GPHN: variants seen among roughly 807,000 people sequenced by gnomAD.
GPHN encodes gephyrin.
In GPHN, 17 loss-of-function variants were observed where a neutral mutation model predicts 95.5. That is an observed-to-expected ratio of 0.18 (90% CI 0.12 to 0.27). The LOEUF (loss-of-function observed/expected upper bound fraction) is 0.27, where lower values mean the gene tolerates loss of function less well. Among genes scored for constraint, GPHN ranks in the 10% least tolerant of loss-of-function variants. GPHN has a pLI of 1.00. For synonymous variants in GPHN, 320 were observed against 322.5 expected (o/e 0.99, Z 0.08); for missense variants, 660 against 978.1 (o/e 0.67, Z 4.34).
At chr14:66,998,859 G>A (rs575063429) in intron 9 of GPHN, among the ~76,000 whole-genome samples, 88 of 120,344 alleles carry the variant, frequency 7.3e-4, no homozygotes, top group Non-Finnish European at 9.3e-4. Flanking sequence ...ATTTCTCCAC[G>A]TAGTTATGGT....
chr14:67,065,419 G>T (rs1267223474), intron 11 of GPHN, among the ~76,000 whole-genome samples: 1 of 152,164 alleles, frequency 6.6e-6, no homozygotes, highest in Admixed American at 6.5e-5. Context: ...GTTGATTTGG[G>T]GTGGAGAACT....
chr14:66,841,556 T>C (rs1436722505), intron 4 of GPHN, among the ~76,000 whole-genome samples: 1 of 152,084 alleles, frequency 6.6e-6, no homozygotes. Context: ...TGCAATAAGA[T>C]AAAGAGAGAA....
chr14:67,642,788 A>ATTTTTTTT, the GPHN span, among the ~76,000 whole-genome samples: 4 of 33,728 alleles, frequency 1.2e-4, no homozygotes, highest in South Asian at 1.0e-3. Flanking sequence ...ATGTTACTAC[A>ATTTTTTTT]TTTTCTTTTT....
intron 16 of GPHN, among the ~76,000 whole-genome samples, chr14:67,120,465 A>C (rs2078958732): frequency 1.3e-5 from 2 of 152,162 alleles, no homozygotes; most frequent in African/African-American, 2.4e-5. Flanking sequence ...TCGTTATGTC[A>C]GTTTTACAGA....
intron 15 of GPHN, 118 bp downstream of exon 15, chr14:67,112,037 C>T (rs1435971354): frequency 9.9e-6 from 8 of 808,942 alleles, no homozygotes; most frequent in Non-Finnish European, 1.7e-5. Context: ...ATTTTCAGGG[C>T]TTTAACAAAA....
At chr14:67,159,304 A>T (rs1287854448) in intron 18 of GPHN, 111 bp from the exon 19 acceptor site, 2 of 772,676 alleles carry the variant, frequency 2.6e-6, no homozygotes, top group African/African-American at 1.7e-5. Flanking sequence ...CATTAAAATA[A>T]GAAAGATGTT....
At chr14:67,200,532 T>C in the GPHN span, 4 of 262,212 alleles carry the variant, frequency 1.5e-5, no homozygotes, top group African/African-American at 2.3e-5. Flanking sequence ...ACAGAGAAAA[T>C]AAAACTAAAC....
intron 2 of GPHN, among the ~76,000 whole-genome samples, chr14:66,722,016 T>A (rs926690087): frequency 3.5e-5 from 5 of 144,068 alleles, no homozygotes; most frequent in Admixed American, 2.1e-4. Flanking sequence ...TTGTCAAAAA[T>A]GTCAGAAGGT....
At position 67,043,409 on chromosome 14, in the gene GPHN, A is replaced by G. The variant is rs1035550827; in HGVS notation, c.1007-15240A>G. Among the ~76,000 whole-genome samples the G allele has an allele frequency of 2.0e-5, 3 of 152,330 alleles. No individual in the cohort carries two copies. The East Asian group carries it at 5.8e-4, about 29-fold the overall frequency. On this transcript the variant is annotated intron_variant, in intron 10 of 22. Transcript: ENST00000478722. ...TGTTATTTTGAGATGTGTTCCATCAATACCTAGTTTATTGAGAGTTTTTAG... is the reference window on the plus strand; with the variant it reads ...TGTTATTTTGAGATGTGTTCCATCAGTACCTAGTTTATTGAGAGTTTTTAG...
the GPHN span, chr14:67,393,273 C>A: frequency 8.7e-6 from 13 of 1,494,336 alleles, no homozygotes; most frequent in African/African-American, 1.5e-4. Context: ...GGAGAGGGAA[C>A]CCTCATCACG....
At chr14:67,442,226 T>C in the GPHN span, among the ~76,000 whole-genome samples, 5 of 152,056 alleles carry the variant, frequency 3.3e-5, no homozygotes, top group East Asian at 1.9e-4. Flanking sequence ...CTGCTGACAC[T>C]CTGCAGCACC....
the GPHN span, chr14:67,571,656 A>C: frequency 7.5e-7 from 1 of 1,335,806 alleles, no homozygotes; most frequent in South Asian, 1.2e-5. Context: ...GGGGTTGGCC[A>C]CACCATGGGC....
At chr14:67,458,724 T>C in the GPHN span, among the ~76,000 whole-genome samples, 8 of 152,124 alleles carry the variant, frequency 5.3e-5, no homozygotes, top group African/African-American at 1.9e-4. Context: ...TCCTTACTTA[T>C]TTTTTGGTTT....
At chr14:67,305,908 A>G in the GPHN span, among the ~76,000 whole-genome samples, 1 of 152,238 alleles carries the variant, frequency 6.6e-6, no homozygotes, top group Non-Finnish European at 1.5e-5. Context: ...TGGAAAATGA[A>G]GTAGCTTAAA....
At chr14:67,505,811 A>G in the GPHN span, among the ~76,000 whole-genome samples, 2 of 151,810 alleles carry the variant, frequency 1.3e-5, no homozygotes, top group African/African-American at 4.8e-5. Context: ...GGTTCAAGCA[A>G]TTCTCCTGCA....
chr14:66,643,768 A>G (rs75835196), intron 1 of GPHN, among the ~76,000 whole-genome samples: 1 of 149,996 alleles, frequency 6.7e-6, no homozygotes, highest in Non-Finnish European at 1.5e-5. Flanking sequence ...TTTTTTTTTA[A>G]TCAAAGATTT....
the GPHN span, among the ~76,000 whole-genome samples, chr14:67,633,151 C>T: frequency 6.6e-6 from 1 of 152,174 alleles, no homozygotes; most frequent in East Asian, 1.9e-4. Flanking sequence ...GTATTGTTCA[C>T]ATTGCCTGAT....
the GPHN span, among the ~76,000 whole-genome samples, chr14:67,242,277 C>G: frequency 6.6e-6 from 1 of 152,108 alleles, no homozygotes. Flanking sequence ...GCAGTTTATG[C>G]TAAAATTAAA....
chr14:67,710,708 T>C, the GPHN span, among the ~76,000 whole-genome samples: 3 of 151,810 alleles, frequency 2.0e-5, no homozygotes, highest in Non-Finnish European at 4.4e-5. Context: ...AATTTTTCAC[T>C]TTTTTTTAAA....
Sources: gnomAD v4.1 joint callset for allele counts (sites outside exome capture counted in the v4.1 genomes callset) on GRCh38, gnomAD v4.1.1 for gene constraint, MANE v1.5 for transcripts, NCBI Gene and HGNC (gene_info 2026-07-23, HGNC 2026-07-21) for gene names.